Variants in PDPR observed in about 807,000 individuals in gnomAD.
The protein encoded by PDPR is pyruvate dehydrogenase phosphatase regulatory subunit, mitochondrial.
Under a neutral mutation model 102.2 loss-of-function variants are expected in PDPR, and 50 were observed. The observed-to-expected ratio is 0.49, with a 90% CI of 0.39 to 0.62. The LOEUF (loss-of-function observed/expected upper bound fraction) is 0.62. PDPR is among the 20% of genes least tolerant of loss of function. The probability of loss-of-function intolerance (pLI) is 0.00; values close to 1 mark genes in which losing one functional copy is unlikely to be tolerated. For synonymous variants in PDPR, 259 were observed against 406.0 expected, an observed-to-expected ratio of 0.64 and a Z score of 4.35; for missense variants, 625 against 1,098.2, an observed-to-expected ratio of 0.57 and a Z score of 6.09.
Position 70,120,611 on chromosome 16 carries a change from C to T in PDPR, c.119C>T (p.Pro40Leu). The T allele has an allele frequency of 1.2e-6, 2 of 1,613,918 alleles. No individual in the cohort carries two copies. Among genetic ancestry groups the T allele is most frequent in the Non-Finnish European group, 1.7e-6 (2 of 1,179,814 alleles). Residue 40 changes from proline to leucine, a missense_variant, in exon 3 of 19, where the codon CCC becomes CTC. Physicochemically the swap from Pro to Leu is moderately conservative, Grantham distance 98 (BLOSUM62 -3). Around this residue, in one of 11 missense-constraint regions of PDPR, gnomAD observed 84 missense variants for 87.7 expected, o/e 0.96. Coordinates refer to ENST00000288050, the MANE Select transcript of PDPR (RefSeq NM_017990.5). ...SAAEARSMAL[P>L]TQAQVVICGG... is the part of the protein sequence containing the mutation. ...GCCGAGGCGCGTTCCATGGCCCTGC[C>T]CACCCAGGCACAGGTGGTCATCTGT...
At chr16:70,136,087 AAT>A (rs1965112152) in intron 9 of PDPR, 105 bp from the exon 10 acceptor site, 19 of 967,100 alleles carry the variant, frequency 2.0e-5, no homozygotes, top group South Asian at 3.7e-5. Context: ...AAAAAAAAAA[AAT>A]CAAGAGGTTT....
chr16:70,135,370 G>A (rs1304961668), intron 9 of PDPR, among the ~76,000 whole-genome samples: 2 of 152,188 alleles, frequency 1.3e-5, no homozygotes, highest in African/African-American at 2.4e-5. Flanking sequence ...CCGAGTAGCT[G>A]GGGTTACAGG....
intron 2 of PDPR, among the ~76,000 whole-genome samples, chr16:70,116,335 C>T (rs1962631350): frequency 7.3e-6 from 1 of 137,196 alleles, no homozygotes; most frequent in Admixed American, 7.5e-5. Flanking sequence ...CCTTGGCCTC[C>T]CAAAGTGCTA....
intron 18 of PDPR, among the ~76,000 whole-genome samples, chr16:70,154,376 G>GCTCACAA (rs1467577871): frequency 6.6e-6 from 1 of 152,250 alleles, no homozygotes; most frequent in Non-Finnish European, 1.5e-5. Context: ...AGGTGCGGTG[G>GCTCACAA]CTCACAACTG....
At chr16:70,141,937 T>C (rs887024265) in intron 11 of PDPR, among the ~76,000 whole-genome samples, 1 of 152,242 alleles carries the variant, frequency 6.6e-6, no homozygotes, top group Non-Finnish European at 1.5e-5. Flanking sequence ...CTGTCTCTAC[T>C]AAAAATACAA....
intron 11 of PDPR, among the ~76,000 whole-genome samples, chr16:70,139,959 A>G (rs1234143969): frequency 6.6e-6 from 1 of 152,214 alleles, no homozygotes; most frequent in African/African-American, 2.4e-5. Flanking sequence ...TGGGAAGAGG[A>G]TGTACATCCA....
At chr16:70,125,744 CT>C (rs527331261) in intron 3 of PDPR, among the ~76,000 whole-genome samples, 337 of 152,120 alleles carry the variant, frequency 2.2e-3, no homozygotes, top group Non-Finnish European at 4.0e-3. Context: ...GGCGATCCTC[CT>C]GCCTCAGCCT....
At chr16:70,134,370 C>T (rs1341282411) in intron 9 of PDPR, among the ~76,000 whole-genome samples, 6 of 152,148 alleles carry the variant, frequency 3.9e-5, no homozygotes, top group South Asian at 2.1e-4. Flanking sequence ...GAATTACAGG[C>T]GCCCACCACA....
chr16:70,136,746 C>T (rs527280239), intron 10 of PDPR, among the ~76,000 whole-genome samples: 2 of 152,210 alleles, frequency 1.3e-5, no homozygotes, highest in East Asian at 1.9e-4. Flanking sequence ...AGGTAATACA[C>T]GGTTTGTTTG....
At position 70,120,552 on chromosome 16, in the gene PDPR, G is replaced by GA. The variant is rs779543323; in HGVS notation, c.62dup (p.Asn21LysfsTer78). 1 of 1,614,048 alleles carries GA rather than the reference G, an allele frequency of 6.2e-7. No homozygotes were observed. On this transcript the variant is annotated frameshift_variant, in exon 3 of 19. Coordinates refer to ENST00000288050, the MANE Select transcript of PDPR (RefSeq NM_017990.5). LOFTEE classifies it high-confidence loss of function. ...GACAAAGAGCCAGCCCAGGATGGCA[G>GA]AACTGGTCCTCTGCAAGAAACAGCA...
At chr16:70,139,523 A>T (rs1164660167) in intron 11 of PDPR, among the ~76,000 whole-genome samples, 1 of 152,228 alleles carries the variant, frequency 6.6e-6, no homozygotes, top group Non-Finnish European at 1.5e-5. Context: ...TTCACCATTA[A>T]TCCACCCTAC....
At chr16:70,135,996 G>T (rs1965093978) in intron 9 of PDPR, among the ~76,000 whole-genome samples, 198 bp from the exon 10 acceptor site, 1 of 152,068 alleles carries the variant, frequency 6.6e-6, no homozygotes, top group Non-Finnish European at 1.5e-5. Flanking sequence ...TTGAACCTGG[G>T]AGGCAGAGGT....
rs1238696269 is a variant in PDPR, at chr16:70,158,802, T to TA, written c.*1924dup. On this transcript the variant is annotated 3_prime_UTR_variant, in exon 19 of 19. Transcript: ENST00000288050. ...AGGCATTACCAGCAGGGAGCAGACT[T>TA]ACCTCCGAAGATGGAGACAGGTGAC... is the stretch of plus-strand genomic sequence containing the variant. The TA allele has an allele frequency of 9.1e-5, 14 of 153,008 alleles. No homozygotes were observed. The highest frequency in any genetic ancestry group is 2.4e-4 in the African/African-American group (10 of 41,604). The allele number at this position is 153,008 out of a possible 1,614,324, so 9.5% of individuals were successfully genotyped here.
chr16:70,156,580 C>G lies in PDPR; in HGVS notation c.2341C>G (p.Leu781Val). 3 of 1,614,094 alleles carry G rather than the reference C, an allele frequency of 1.9e-6. No individual in the cohort carries two copies. The highest frequency in any genetic ancestry group is 1.7e-6 in the Non-Finnish European group (2 of 1,179,914). Residue 781 changes from leucine to valine, a missense_variant, in exon 19 of 19, where the codon CTT (leucine) becomes GTT (valine). By Grantham distance (32) the Leu-to-Val change is conservative (BLOSUM62 1). Around this residue, in one of 11 missense-constraint regions of PDPR, gnomAD observed 303 missense variants for 258.9 expected, o/e 1.17. Coordinates refer to ENST00000288050, the MANE Select transcript of PDPR (RefSeq NM_017990.5). ...GGACGACCATGATTCAGACCTAGAC[C>G]TTTGGCCTTGGTGGGGAGAGCCCAT... ...ILDDHDSDLD[L>V]WPWWGEPIYR...
At chr16:70,149,997 A>G (rs1388588521) in intron 17 of PDPR, among the ~76,000 whole-genome samples, 5 of 151,606 alleles carry the variant, frequency 3.3e-5, no homozygotes, top group South Asian at 2.1e-4. Flanking sequence ...TCACCGGGTT[A>G]ACCAGAATGG....
intron 2 of PDPR, among the ~76,000 whole-genome samples, chr16:70,116,128 C>G (rs1962610197): frequency 1.3e-5 from 2 of 148,270 alleles, no homozygotes; most frequent in East Asian, 3.9e-4. Flanking sequence ...CTGTGTCACC[C>G]AGGCAGTGGC....
upstream of PDPR, chr16:70,114,321 G>A: frequency 6.6e-6 from 1 of 152,198 alleles, no homozygotes; most frequent in Non-Finnish European, 1.5e-5. Context: ...GCTTCGCCCC[G>A]CCCCCTTCCC....
chr16:70,160,301 A>G lies in PDPR; in HGVS notation c.*3422A>G, dbSNP rs1240020253. 6.5e-6 allele frequency: 1 copy of G among 152,770 alleles called. No individual in the cohort carries two copies. Among genetic ancestry groups the G allele is most frequent in the African/African-American group, 2.4e-5 (1 of 41,486 alleles). The allele number at this position is 152,770 out of a possible 1,614,324, so 9.5% of individuals were successfully genotyped here. A position where few individuals can be genotyped will look rare whatever the true frequency, so the allele number is the denominator to read the frequency against. ...TGGTACTGAAGCCAGAAAAGCTCTCATTCAGGAACTCTGAAGAGCAAAAAG... is the reference window on the plus strand; with the variant it reads ...TGGTACTGAAGCCAGAAAAGCTCTCGTTCAGGAACTCTGAAGAGCAAAAAG... On this transcript the variant is annotated 3_prime_UTR_variant, in exon 19 of 19. Coordinates refer to ENST00000288050, the MANE Select transcript of PDPR (RefSeq NM_017990.5).
chr16:70,140,915 C>T (rs935485097), intron 11 of PDPR, among the ~76,000 whole-genome samples: 1 of 152,258 alleles, frequency 6.6e-6, no homozygotes, highest in Non-Finnish European at 1.5e-5. Context: ...GAGAACCCCA[C>T]CTGGCTTCCT....
Sources: gnomAD v4.1 joint callset for allele counts (sites outside exome capture counted in the v4.1 genomes callset) on GRCh38, gnomAD v4.1.1 for gene constraint, gnomAD v4.1.1 regional missense constraint, MANE v1.5 for transcripts, NCBI Gene and HGNC (gene_info 2026-07-23, HGNC 2026-07-21) for gene names.